The following DACH1 variants were observed in gnomAD, a reference collection of about 807,000 sequenced individuals.
DACH1 encodes dachshund family transcription factor 1, also known as dachshund homolog 1.
A neutral mutation model predicts 54.2 loss-of-function variants in DACH1; 12 were observed. The ratio of observed to expected loss-of-function variants is 0.22; its 90% CI spans 0.14 to 0.36. The LOEUF is 0.36. Among genes scored for constraint, DACH1 ranks in the 10% least tolerant of loss-of-function variants. DACH1 has a pLI of 1.00. For missense variants in DACH1, 805 were observed against 929.8 expected, an observed-to-expected ratio of 0.87 and a Z score of 1.75; for synonymous variants, 386 against 366.2, an observed-to-expected ratio of 1.05 and a Z score of -0.62.
At chr13:71,778,342 T>C (rs570808586) in intron 1 of DACH1, among the ~76,000 whole-genome samples, 1 of 152,148 alleles carries the variant, frequency 6.6e-6, no homozygotes, top group South Asian at 2.1e-4. Context: ...ATGTAATTAA[T>C]ATTTTGAGAT....
chr13:71,574,023 G>A (rs1030339574), intron 3 of DACH1, among the ~76,000 whole-genome samples: 1 of 152,084 alleles, frequency 6.6e-6, no homozygotes, highest in African/African-American at 2.4e-5. Flanking sequence ...CGTCCAGCTT[G>A]GTTAGACATT....
At chr13:71,808,904 C>T (rs554409294) in intron 1 of DACH1, among the ~76,000 whole-genome samples, 3 of 152,144 alleles carry the variant, frequency 2.0e-5, no homozygotes, top group African/African-American at 7.2e-5. Context: ...GAACTTAAAA[C>T]CTCACAATTA....
At chr13:71,612,903 A>G (rs945006896) in intron 3 of DACH1, among the ~76,000 whole-genome samples, 3 of 152,338 alleles carry the variant, frequency 2.0e-5, no homozygotes, top group Non-Finnish European at 4.4e-5. Flanking sequence ...CTCATTCATT[A>G]AGAATTCATT....
chr13:71,524,871 A>G (rs1881848265), intron 6 of DACH1, among the ~76,000 whole-genome samples: 1 of 152,128 alleles, frequency 6.6e-6, no homozygotes, highest in Non-Finnish European at 1.5e-5. Context: ...GGTGAAAAGG[A>G]TAATCAGTAC....
At position 71,543,844 on chromosome 13, in the gene DACH1, G is replaced by A. The variant is rs547021960; in HGVS notation, c.1570+13180C>T. Among the ~76,000 whole-genome samples, 21 of 152,208 alleles carry A rather than the reference G, an allele frequency of 1.4e-4. No individual in the cohort carries two copies. The South Asian group carries it at 1.5e-3, about 11-fold the overall frequency. ...TAAGAAAGGCACTTGATCCTTAGCCGTAGATTTAAATAGACTACTTCTGCT... is the reference window on the plus strand; with the variant it reads ...TAAGAAAGGCACTTGATCCTTAGCCATAGATTTAAATAGACTACTTCTGCT... On this transcript the variant is annotated intron_variant, in intron 6 of 10. Coordinates refer to ENST00000613252, the MANE Select transcript of DACH1 (RefSeq NM_080759.6).
At chr13:71,671,271 A>G (rs1880189328) in intron 2 of DACH1, among the ~76,000 whole-genome samples, 1 of 151,982 alleles carries the variant, frequency 6.6e-6, no homozygotes, top group Non-Finnish European at 1.5e-5. Context: ...GAAAAAATAT[A>G]TGTAAAAATC....
At chr13:71,815,856 C>T (rs962725930) in intron 1 of DACH1, among the ~76,000 whole-genome samples, 8 of 152,102 alleles carry the variant, frequency 5.3e-5, no homozygotes, top group African/African-American at 1.4e-4. Flanking sequence ...GAGGCCGAGG[C>T]GGGCGGATCA....
rs1293285389 is a variant in DACH1 at position 71,621,533 on chromosome 13, T to C, written c.1126+9023A>G. 2.6e-5 allele frequency among the ~76,000 whole-genome samples: 4 copies of C among 151,998 alleles called. No homozygotes were observed. The South Asian group carries it at 6.2e-4, about 24-fold the overall frequency. On this transcript the variant is annotated intron_variant, in intron 3 of 10. Transcript: ENST00000613252. ...GCTGTGCAGACATTAAATAATAACA[T>C]ATCATTTCCAAGACTAAAACGATGT...
At chr13:71,658,292 G>A (rs1435943360) in intron 2 of DACH1, among the ~76,000 whole-genome samples, 1 of 152,194 alleles carries the variant, frequency 6.6e-6, no homozygotes, top group Non-Finnish European at 1.5e-5. Flanking sequence ...GCTCATGCCT[G>A]TAATCCCAGC....
chr13:71,837,410 T>A (rs117499275), intron 1 of DACH1, among the ~76,000 whole-genome samples: 11,266 of 76,202 alleles, frequency 0.15, 932 homozygotes, highest in East Asian at 0.6. Flanking sequence ...AAATATGGGT[T>A]TTTTTTAACA....
chr13:71,763,135 C>T (rs755536093), intron 1 of DACH1, among the ~76,000 whole-genome samples: 21 of 152,170 alleles, frequency 1.4e-4, no homozygotes, highest in Non-Finnish European at 2.6e-4. Flanking sequence ...TTGTTTGAAG[C>T]ATTTTAACAT....
chr13:71,730,710 G>A (rs1413537683), intron 1 of DACH1, among the ~76,000 whole-genome samples: 2 of 152,046 alleles, frequency 1.3e-5, no homozygotes, highest in East Asian at 1.9e-4. Context: ...ACTTTGTTGT[G>A]CACCTGAGAG....
intron 1 of DACH1, among the ~76,000 whole-genome samples, chr13:71,830,744 A>G (rs1888553001): frequency 6.6e-6 from 1 of 152,004 alleles, no homozygotes; most frequent in Middle Eastern, 3.4e-3. Context: ...AAGAGCTCTC[A>G]AAATCTATCT....
chr13:71,633,267 C>T (rs1877236621), intron 2 of DACH1, among the ~76,000 whole-genome samples: 1 of 151,974 alleles, frequency 6.6e-6, no homozygotes, highest in South Asian at 2.1e-4. Context: ...TTCTAATCCC[C>T]AAGAAAAAAT....
At chr13:71,526,171 A>G (rs1026501252) in intron 6 of DACH1, among the ~76,000 whole-genome samples, 1 of 152,154 alleles carries the variant, frequency 6.6e-6, no homozygotes, top group Non-Finnish European at 1.5e-5. Flanking sequence ...GGAATTCAAT[A>G]TGGAATAATG....
At chr13:71,547,160 C>T (rs901652309) in intron 6 of DACH1, among the ~76,000 whole-genome samples, 18 of 152,046 alleles carry the variant, frequency 1.2e-4, no homozygotes, top group Non-Finnish European at 5.9e-5. Context: ...AATTACAACT[C>T]TGGGAGCTGG....
chr13:71,641,274 CAT>C (rs1031489922), intron 2 of DACH1, among the ~76,000 whole-genome samples: 51 of 152,100 alleles, frequency 3.4e-4, no homozygotes, highest in African/African-American at 1.2e-3. Context: ...TATACACACA[CAT>C]AGAATAAAGA....
chr13:71,484,297 A>G (rs546944883), intron 7 of DACH1, among the ~76,000 whole-genome samples: 1 of 152,262 alleles, frequency 6.6e-6, no homozygotes, highest in East Asian at 1.9e-4. Flanking sequence ...GAATATTAAT[A>G]GCTGGGACTG....
chr13:71,523,177 T>C (rs1399250052), intron 6 of DACH1, among the ~76,000 whole-genome samples: 1 of 152,138 alleles, frequency 6.6e-6, no homozygotes, highest in Non-Finnish European at 1.5e-5. Flanking sequence ...AGGTCACCTA[T>C]GTCACAAACA....
Sources: gnomAD v4.1 joint callset for allele counts (sites outside exome capture counted in the v4.1 genomes callset) on GRCh38, gnomAD v4.1.1 for gene constraint, MANE v1.5 for transcripts, NCBI Gene and HGNC (gene_info 2026-07-23, HGNC 2026-07-21) for gene names.